Variants in PFKFB3 observed in about 807,000 individuals in gnomAD.
PFKFB3 encodes the protein 6-phosphofructo-2-kinase/fructose-2,6-bisphosphatase 3.
In PFKFB3, 33 loss-of-function variants were observed where a neutral mutation model predicts 68.0. The ratio of observed to expected loss-of-function variants is 0.49; its 90% CI spans 0.37 to 0.65. The LOEUF (loss-of-function observed/expected upper bound fraction) is 0.65. PFKFB3 is among the 30% of genes least tolerant of loss of function. The pLI is 0.00. For synonymous variants in PFKFB3, 315 were observed against 288.2 expected (o/e 1.09, Z -0.94); for missense variants, 586 against 712.2 (o/e 0.82, Z 2.02).
chr10:6,223,038 G>A (rs951137146), intron 11 of PFKFB3, 54 bp downstream of exon 11: 13 of 1,568,244 alleles, frequency 8.3e-6, no homozygotes, highest in Admixed American at 1.8e-5. Flanking sequence ...ACTGGCACTC[G>A]GCGGGGGGTC....
Position 6,220,279 on chromosome 10 carries a change from C to G in PFKFB3, c.624-379C>G, listed in dbSNP as rs1161773317. 6.7e-6 allele frequency among the ~76,000 whole-genome samples: 1 copy of G among 148,778 alleles called. No homozygotes were observed. The highest frequency in any genetic ancestry group is 1.5e-5 in the Non-Finnish European group (1 of 66,874). ...TCCACGCCCAGCTAATTTTTTTTTT[C>G]TTTAGTAGAGATGAGGTCTTGCTAT... On this transcript the variant is annotated intron_variant, in intron 7 of 14. Coordinates refer to ENST00000379775, the MANE Select transcript of PFKFB3 (RefSeq NM_004566.4). The surrounding 1 kb of genome is among the most constrained non-coding windows in gnomAD (Gnocchi z 4.1).
In PFKFB3 at chr10:6,240,639, C is replaced by T. The variant is rs75031250; in HGVS notation, c.1516-13539C>T. Among the ~76,000 whole-genome samples, 899 of 152,186 alleles carry T rather than the reference C, an allele frequency of 5.9e-3. 6 individuals carry two copies. Among genetic ancestry groups the T allele is most frequent in the African/African-American group, 0.021 (857 of 41,500 alleles). Reference sequence around the variant, plus strand: ...CCTGTCTATGTTTCACCCAGCTGCCCGTAATATAAACATCTTACAACAACA... The same window carrying T: ...CCTGTCTATGTTTCACCCAGCTGCCTGTAATATAAACATCTTACAACAACA... On this transcript the variant is annotated intron_variant, in intron 14 of 14. Coordinates refer to the PFKFB3 transcript ENST00000640683.
chr10:6,180,928 G>C (rs959365055), intron 1 of PFKFB3, among the ~76,000 whole-genome samples: 1 of 152,236 alleles, frequency 6.6e-6, no homozygotes, highest in African/African-American at 2.4e-5. Context: ...TCACGTGACA[G>C]AGGCTGATAC....
At chr10:6,323,502 C>G in the PFKFB3 span, among the ~76,000 whole-genome samples, 153 of 152,338 alleles carry the variant, frequency 1.0e-3, no homozygotes, top group African/African-American at 3.6e-3. Flanking sequence ...TTTCTCACTT[C>G]TTACCCTGCA....
chr10:6,285,749 C>T, the PFKFB3 span, among the ~76,000 whole-genome samples: 2 of 152,124 alleles, frequency 1.3e-5, no homozygotes, highest in African/African-American at 2.4e-5. Flanking sequence ...AACCACCATT[C>T]CACTGTTTGA....
rs746214599 is a variant in PFKFB3, at chr10:6,222,938, G to A, written c.1167G>A (p.Gln389=). 3 of 1,613,898 alleles carry A rather than the reference G, an allele frequency of 1.9e-6. No homozygotes were observed. The highest frequency in any genetic ancestry group is 4.5e-5 in the East Asian group (2 of 44,860). ...RQENVLVICH[Q]AVLRCLLAYF... ...AGAATGTGCTGGTCATCTGCCACCA[G>A]GCCGTCCTGCGCTGCCTGCTTGCCT... Residue 389 remains glutamine (Q), a synonymous_variant, in exon 11 of 15, where the codon CAG becomes CAA. Transcript: ENST00000379775.
the PFKFB3 span, among the ~76,000 whole-genome samples, chr10:6,287,801 C>CT: frequency 6.6e-6 from 1 of 152,054 alleles, no homozygotes; most frequent in African/African-American, 2.4e-5. Flanking sequence ...GAACAAACTG[C>CT]TATCTGTTAG....
At chr10:6,150,603 C>T (rs374086565) in intron 1 of PFKFB3, among the ~76,000 whole-genome samples, 4 of 152,072 alleles carry the variant, frequency 2.6e-5, no homozygotes, top group Non-Finnish European at 5.9e-5. Context: ...CCAGCCGGGG[C>T]GACAGAGCGA....
At chr10:6,166,153 G>T (rs192111135) in intron 1 of PFKFB3, among the ~76,000 whole-genome samples, 84 of 152,070 alleles carry the variant, frequency 5.5e-4, no homozygotes, top group African/African-American at 1.8e-3. Context: ...GCTAATTTTT[G>T]TGATTTTTAG....
At chr10:6,324,722 G>A in the PFKFB3 span, among the ~76,000 whole-genome samples, 9 of 151,906 alleles carry the variant, frequency 5.9e-5, no homozygotes, top group East Asian at 3.9e-4. Flanking sequence ...GAGCCACTGC[G>A]CCCAGCTGTT....
At chr10:6,319,924 C>T in the PFKFB3 span, among the ~76,000 whole-genome samples, 21 of 152,278 alleles carry the variant, frequency 1.4e-4, no homozygotes, top group South Asian at 1.7e-3. Context: ...CCTGGCCAGG[C>T]GCAGTGGCAC....
Position 6,210,353 on chromosome 10 carries a change from T to G in PFKFB3, c.77-3270T>G, listed in dbSNP as rs1428006531. On this transcript the variant is annotated intron_variant, in intron 1 of 14. Transcript: ENST00000379775. ...CTCTCTTTGTTTTTTTTTGTTTTTT[T>G]TTGTTTTTTTGTTTTTTTTTTTTTT... is the stretch of plus-strand genomic sequence containing the variant. Among the ~76,000 whole-genome samples, 46 of 13,180 alleles carry G rather than the reference T, an allele frequency of 3.5e-3. 6 individuals are homozygous for G. Among genetic ancestry groups the G allele is most frequent in the Admixed American group, 6.7e-3 (4 of 598 alleles). The allele number at this position is 13,180 out of a possible 152,430, so 8.6% of individuals were successfully genotyped here.
rs944362430 is a variant in PFKFB3, at chr10:6,203,144, G to T, written c.-117G>T. 6.7e-7 allele frequency: 1 copy of T among 1,498,888 alleles called. No individual in the cohort carries two copies. The highest frequency in any genetic ancestry group is 1.5e-5 in the African/African-American group (1 of 68,942). 92.8% of individuals were successfully genotyped at this position (1,498,888 alleles called of 1,614,324 possible). A position where few individuals can be genotyped will look rare whatever the true frequency, so the allele number is the denominator to read the frequency against. ...TCCCCTGGCAGCGCAGGAAACGCCC[G>T]GCCGCGCGCCGGCGCACGCCCCCCT... On this transcript the variant is annotated 5_prime_UTR_variant, in exon 1 of 15. Transcript: ENST00000379775.
At chr10:6,231,629 G>T in intron 14 of PFKFB3, 1 of 970,776 alleles carries the variant, frequency 1.0e-6, no homozygotes, top group Non-Finnish European at 1.2e-6. Context: ...CAGCAGATGC[G>T]GAGGGAAATG....
At chr10:6,263,293 G>A in the PFKFB3 span, among the ~76,000 whole-genome samples, 40 of 152,240 alleles carry the variant, frequency 2.6e-4, no homozygotes, top group Non-Finnish European at 5.6e-4. Flanking sequence ...TGTTGTTTGC[G>A]GCTTAAGAAT....
the PFKFB3 span, among the ~76,000 whole-genome samples, chr10:6,270,143 C>CAAACA: frequency 3.6e-4 from 55 of 152,130 alleles, 1 homozygote; most frequent in Middle Eastern, 3.4e-3. Context: ...CAAAAACAAA[C>CAAACA]AAACAAAACA....
intron 2 of PFKFB3, 73 bp downstream of exon 2, chr10:6,213,821 C>T: frequency 1.3e-6 from 2 of 1,534,988 alleles, no homozygotes; most frequent in Non-Finnish European, 1.8e-6. Context: ...GCTGGTTTCA[C>T]AGGCAGGACC....
chr10:6,248,652 A>AAAAAG lies in PFKFB3; in HGVS notation c.1516-5526_1516-5525insAAAAG, dbSNP rs71390202. On this transcript the variant is annotated intron_variant, in intron 14 of 14. Coordinates refer to the PFKFB3 transcript ENST00000640683. ...TCAAAAAAAAAAAAAAAAAAAAAAA[A>AAAAAG]GGCAGGGGATCTGAATAGATGTTTC... Among the ~76,000 whole-genome samples the AAAAAG allele has an allele frequency of 4.2e-3, 389 of 91,584 alleles. 15 individuals carry two copies. The highest frequency in any genetic ancestry group is 0.014 in the Middle Eastern group (1 of 74). 60.1% of individuals were successfully genotyped at this position (91,584 alleles called of 152,430 possible). A position where few individuals can be genotyped will look rare whatever the true frequency, so the allele number is the denominator to read the frequency against.
chr10:6,272,157 G>A, the PFKFB3 span, among the ~76,000 whole-genome samples: 1 of 152,194 alleles, frequency 6.6e-6, no homozygotes, highest in African/African-American at 2.4e-5. Context: ...AAAGCACCCC[G>A]AGTTCACAGA....
Sources: gnomAD v4.1 joint callset for allele counts (sites outside exome capture counted in the v4.1 genomes callset) on GRCh38, gnomAD v4.1.1 for gene constraint, Gnocchi (gnomAD v3.1) non-coding constraint, MANE v1.5 for transcripts, NCBI Gene and HGNC (gene_info 2026-07-23, HGNC 2026-07-21) for gene names.